Variants in PKNOX2 observed in about 807,000 individuals in gnomAD.
PKNOX2 encodes the protein PBX/knotted 1 homeobox 2, also known as homeobox protein PKNOX2.
A neutral mutation model predicts 53.1 loss-of-function variants in PKNOX2; 14 were observed. That is an observed-to-expected ratio of 0.26 (90% CI 0.17 to 0.41). The LOEUF (loss-of-function observed/expected upper bound fraction) is 0.41, where lower values mean the gene tolerates loss of function less well. Ranked by LOEUF, PKNOX2 falls within the 10% of genes least tolerant of loss-of-function variation. The probability of loss-of-function intolerance (pLI) is 1.00; values close to 1 mark genes in which losing one functional copy is unlikely to be tolerated. For missense variants in PKNOX2, 496 were observed against 602.8 expected (o/e 0.82, Z 1.85); for synonymous variants, 257 against 242.8 (o/e 1.06, Z -0.54).
At chr11:125,365,240 G>A (rs764839425) in intron 4 of PKNOX2, among the ~76,000 whole-genome samples, 11 of 151,990 alleles carry the variant, frequency 7.2e-5, no homozygotes, top group Non-Finnish European at 1.5e-4. Context: ...CATCCTGGCC[G>A]ACCCTGCTTT....
chr11:125,308,680 G>C (rs1948612816), intron 2 of PKNOX2, among the ~76,000 whole-genome samples: 1 of 136,280 alleles, frequency 7.3e-6, no homozygotes, highest in African/African-American at 3.2e-5. Context: ...GAGGTCACCT[G>C]GTTTAACTGC....
At chr11:125,361,512 C>T (rs1951922934) in intron 4 of PKNOX2, among the ~76,000 whole-genome samples, 1 of 152,184 alleles carries the variant, frequency 6.6e-6, no homozygotes, top group African/African-American at 2.4e-5. Flanking sequence ...CACGCTTCTG[C>T]TCTCCCCAAT....
intron 1 of PKNOX2, among the ~76,000 whole-genome samples, chr11:125,172,301 T>G (rs1258983058): frequency 6.6e-6 from 1 of 152,194 alleles, no homozygotes; most frequent in African/African-American, 2.4e-5. Flanking sequence ...CCTTTCCACG[T>G]TGGCTTCTCA....
intron 1 of PKNOX2, among the ~76,000 whole-genome samples, chr11:125,172,496 G>A (rs889644243): frequency 2.6e-5 from 4 of 152,250 alleles, no homozygotes; most frequent in Admixed American, 6.5e-5. Context: ...CAGGGTGATC[G>A]GGATGGTGGA....
At position 125,368,569 on chromosome 11, in the gene PKNOX2, G is replaced by A. The variant is rs577670888; in HGVS notation, c.227+584G>A. Among the ~76,000 whole-genome samples the A allele has an allele frequency of 4.6e-5, 7 of 152,358 alleles. No homozygotes were observed. In the South Asian group the frequency reaches 8.3e-4, roughly 18 times the overall value. On this transcript the variant is annotated intron_variant, in intron 5 of 12. Coordinates refer to ENST00000298282, the MANE Select transcript of PKNOX2 (RefSeq NM_001382323.2). ...TTGGACCACACTTGGATTCATGGTA[G>A]TCTCTGTTTTTAAACAATAGGTATT...
intron 1 of PKNOX2, among the ~76,000 whole-genome samples, chr11:125,232,458 T>C (rs1942292964): frequency 6.6e-6 from 1 of 152,196 alleles, no homozygotes; most frequent in Non-Finnish European, 1.5e-5. Context: ...TTAGCCCTAT[T>C]TTATACATGA....
At chr11:125,333,860 AG>A (rs962240578) in intron 3 of PKNOX2, among the ~76,000 whole-genome samples, 3 of 152,080 alleles carry the variant, frequency 2.0e-5, no homozygotes, top group African/African-American at 7.2e-5. Context: ...GCTGGGGTGG[AG>A]GGGGTAGCAA....
chr11:125,245,763 A>C (rs907857082), intron 2 of PKNOX2, among the ~76,000 whole-genome samples: 7 of 152,220 alleles, frequency 4.6e-5, no homozygotes, highest in Admixed American at 2.6e-4. Flanking sequence ...GGAGAGGCTC[A>C]TAGGTTGCTG....
chr11:125,300,810 T>C (rs1237562350), intron 2 of PKNOX2, among the ~76,000 whole-genome samples: 1 of 152,214 alleles, frequency 6.6e-6, no homozygotes. Flanking sequence ...ACCTGAAAGC[T>C]AAGCTTCCAG....
At chr11:125,406,917 T>TAA (rs67687488) in intron 7 of PKNOX2, among the ~76,000 whole-genome samples, 2 of 41,758 alleles carry the variant, frequency 4.8e-5, no homozygotes, top group African/African-American at 1.1e-4. Flanking sequence ...AATCTATGTC[T>TAA]AAAAAAAAAA....
intron 5 of PKNOX2, among the ~76,000 whole-genome samples, chr11:125,382,128 G>A (rs1443628773): frequency 6.6e-6 from 1 of 152,178 alleles, no homozygotes; most frequent in African/African-American, 2.4e-5. Context: ...CATACAAACA[G>A]CACAGAGAAC....
intron 5 of PKNOX2, 26 bp downstream of exon 5, chr11:125,368,011 C>G (rs776752252): frequency 6.2e-7 from 1 of 1,603,662 alleles, no homozygotes; most frequent in African/African-American, 1.3e-5. Context: ...GCTGTGTCTA[C>G]AGCCCTCAAC....
intron 2 of PKNOX2, among the ~76,000 whole-genome samples, chr11:125,274,369 C>T (rs1946019118): frequency 1.3e-5 from 2 of 152,160 alleles, no homozygotes; most frequent in Non-Finnish European, 2.9e-5. Flanking sequence ...TCCCAGCTCG[C>T]TGAGGGGTTG....
At chr11:125,286,865 G>C (rs920941480) in intron 2 of PKNOX2, among the ~76,000 whole-genome samples, 3 of 152,226 alleles carry the variant, frequency 2.0e-5, no homozygotes, top group Non-Finnish European at 4.4e-5. Context: ...AATGTGCAGG[G>C]AAGAACAGCG....
At chr11:125,226,676 T>C (rs1941723606) in intron 1 of PKNOX2, among the ~76,000 whole-genome samples, 1 of 152,154 alleles carries the variant, frequency 6.6e-6, no homozygotes, top group South Asian at 2.1e-4. Flanking sequence ...ATCGTTTTAT[T>C]GCTGTGGATA....
intron 2 of PKNOX2, among the ~76,000 whole-genome samples, chr11:125,263,706 G>T (rs1945075588): frequency 6.6e-6 from 1 of 152,240 alleles, no homozygotes. Flanking sequence ...CACGGAGGGC[G>T]TGGAGCCGAG....
chr11:125,203,104 TAC>T (rs1460946292), intron 1 of PKNOX2, among the ~76,000 whole-genome samples: 1 of 152,066 alleles, frequency 6.6e-6, no homozygotes, highest in East Asian at 1.9e-4. Context: ...AACCAAGAGG[TAC>T]AGAGTTCAGG....
intron 2 of PKNOX2, among the ~76,000 whole-genome samples, chr11:125,250,352 A>G (rs896627424): frequency 1.3e-5 from 2 of 152,206 alleles, no homozygotes; most frequent in Non-Finnish European, 2.9e-5. Context: ...CAAGCAGTAG[A>G]TCATGAACTC....
intron 1 of PKNOX2, among the ~76,000 whole-genome samples, chr11:125,177,769 G>GA (rs1463957212): frequency 2.6e-5 from 4 of 152,152 alleles, no homozygotes; most frequent in African/African-American, 9.7e-5. Flanking sequence ...CCTCTCTGGG[G>GA]AGCACAGCTA....
Sources: allele counts gnomAD v4.1 joint callset (sites outside exome capture counted in the v4.1 genomes callset), GRCh38; gene constraint gnomAD v4.1.1; transcripts MANE v1.5; gene names NCBI Gene and HGNC (gene_info 2026-07-23, HGNC 2026-07-21).